The following CLVS1 variants were observed in gnomAD, a reference collection of about 807,000 sequenced individuals.
CLVS1 encodes the protein clavesin-1.
In CLVS1, 10 loss-of-function variants were observed where a neutral mutation model predicts 33.1. That is an observed-to-expected ratio of 0.30 (90% CI 0.19 to 0.51). The LOEUF (loss-of-function observed/expected upper bound fraction) is 0.51, where lower values mean the gene tolerates loss of function less well. Ranked by LOEUF, CLVS1 falls within the 20% of genes least tolerant of loss-of-function variation. The pLI, the probability that CLVS1 is intolerant of heterozygous loss-of-function variation, is 0.97. For synonymous variants in CLVS1, 163 were observed against 166.1 expected (o/e 0.98, Z 0.14); for missense variants, 343 against 433.4 (o/e 0.79, Z 1.85).
intron 2 of CLVS1, among the ~76,000 whole-genome samples, chr8:61,155,335 C>T (rs897652889): frequency 6.6e-6 from 1 of 152,098 alleles, no homozygotes; most frequent in African/African-American, 2.4e-5. Context: ...AAGAAAATGC[C>T]CCGGCTTGCC....
At chr8:61,260,874 C>T (rs1163418614) in intron 2 of CLVS1, among the ~76,000 whole-genome samples, 1 of 152,166 alleles carries the variant, frequency 6.6e-6, no homozygotes, top group Non-Finnish European at 1.5e-5. Flanking sequence ...TAATGGTGTT[C>T]AGAATGCAGA....
intron 1 of CLVS1, among the ~76,000 whole-genome samples, chr8:61,095,335 G>A (rs1805332693): frequency 6.6e-6 from 1 of 152,198 alleles, no homozygotes; most frequent in Non-Finnish European, 1.5e-5. Context: ...AATCCCCCAT[G>A]AGTGGGGCTT....
chr8:61,227,473 A>T (rs967690381), intron 2 of CLVS1, among the ~76,000 whole-genome samples: 3 of 152,186 alleles, frequency 2.0e-5, no homozygotes, highest in Non-Finnish European at 4.4e-5. Context: ...CATTATAAGC[A>T]TTTTGTCACA....
intron 2 of CLVS1, among the ~76,000 whole-genome samples, chr8:61,138,135 A>C (rs1165067296): frequency 6.6e-6 from 1 of 152,224 alleles, no homozygotes; most frequent in Non-Finnish European, 1.5e-5. Context: ...GCATAAGTCA[A>C]CAAGATGGGT....
intron 3 of CLVS1, among the ~76,000 whole-genome samples, chr8:61,430,728 T>C (rs1201559676): frequency 6.6e-6 from 1 of 152,180 alleles, no homozygotes; most frequent in Admixed American, 6.5e-5. Flanking sequence ...GCCAATGTGT[T>C]ATGCTGTGCC....
intron 2 of CLVS1, among the ~76,000 whole-genome samples, chr8:61,215,034 A>G (rs1411800741): frequency 6.6e-6 from 1 of 152,182 alleles, no homozygotes; most frequent in Non-Finnish European, 1.5e-5. Context: ...TAAAGTAAGT[A>G]TTTAGCTTTT....
Position 61,328,621 on chromosome 8 carries a change from A to T in CLVS1, c.455+28339A>T, listed in dbSNP as rs529407327. The stretch of plus-strand genomic sequence containing the variant: ...TCATACAAATCGATTACTTCCATAA[A>T]GCCTGCTCCAGACAGAAAATTCCCA... On this transcript the variant is annotated intron_variant, in intron 2 of 5. Transcript: ENST00000325897. 3.3e-5 allele frequency among the ~76,000 whole-genome samples: 5 copies of T among 152,220 alleles called. No homozygotes were observed. The South Asian group carries it at 1.0e-3, about 32-fold the overall frequency.
rs892813549 is a variant in CLVS1 at position 61,499,701 on chromosome 8, G to A, written c.*159G>A. Reference sequence around the variant, plus strand: ...AGTGACTGTCACCAGCCATCGGTCTGAGCAGCCAAAGTTGGACAAAGACTT... The same window carrying A: ...AGTGACTGTCACCAGCCATCGGTCTAAGCAGCCAAAGTTGGACAAAGACTT... On this transcript the variant is annotated 3_prime_UTR_variant, in exon 6 of 6. Transcript: ENST00000325897. The A allele has an allele frequency of 1.5e-5, 7 of 473,030 alleles. No homozygotes were observed. The highest frequency in any genetic ancestry group is 9.6e-5 in the African/African-American group (5 of 52,144). The allele number at this position is 473,030 out of a possible 1,614,324, so 29.3% of individuals were successfully genotyped here.
chr8:61,096,562 G>A (rs1294681897), intron 1 of CLVS1, among the ~76,000 whole-genome samples: 1 of 152,158 alleles, frequency 6.6e-6, no homozygotes, highest in Non-Finnish European at 1.5e-5. Flanking sequence ...AATATTTAAA[G>A]CGAAGCCTGG....
intron 2 of CLVS1, among the ~76,000 whole-genome samples, chr8:61,343,656 G>A (rs1234398808): frequency 2.6e-5 from 4 of 152,296 alleles, no homozygotes; most frequent in South Asian, 2.1e-4. Flanking sequence ...TCTGGGCAAC[G>A]AGAGCTCAGG....
intron 2 of CLVS1, among the ~76,000 whole-genome samples, chr8:61,351,836 A>G (rs1184162713): frequency 6.6e-6 from 1 of 152,116 alleles, no homozygotes. Context: ...ATCTGGTGAG[A>G]CTATTCTTCA....
the CLVS1 span, among the ~76,000 whole-genome samples, chr8:61,016,064 G>A: frequency 6.6e-6 from 1 of 152,186 alleles, no homozygotes; most frequent in East Asian, 1.9e-4. Context: ...TGACACCTTT[G>A]CTTTCTGATG....
chr8:61,097,063 T>C (rs1805364177), intron 1 of CLVS1, among the ~76,000 whole-genome samples: 1 of 152,062 alleles, frequency 6.6e-6, no homozygotes, highest in South Asian at 2.1e-4. Flanking sequence ...AAACCCACTA[T>C]TAAAAACACA....
intron 1 of CLVS1, among the ~76,000 whole-genome samples, chr8:61,072,012 C>T (rs143152609): frequency 2.6e-5 from 4 of 152,346 alleles, no homozygotes; most frequent in Non-Finnish European, 5.9e-5. Context: ...TCAAGGGAGG[C>T]ATCTGAGTCA....
chr8:61,109,188 T>C (rs1028254997), intron 1 of CLVS1, among the ~76,000 whole-genome samples: 7 of 152,202 alleles, frequency 4.6e-5, no homozygotes, highest in African/African-American at 1.7e-4. Context: ...ATTCTGCTTC[T>C]TCCAGTTACT....
intron 1 of CLVS1, among the ~76,000 whole-genome samples, chr8:61,074,032 T>C (rs1040076037): frequency 5.6e-5 from 7 of 125,352 alleles, no homozygotes; most frequent in African/African-American, 2.1e-4. Flanking sequence ...AAAAAAAAAA[T>C]TATAACTAAA....
intron 2 of CLVS1, among the ~76,000 whole-genome samples, chr8:61,187,636 TTGCCAGATA>T (rs35374864): frequency 0.51 from 77,679 of 150,982 alleles, 20,665 homozygotes; most frequent in Middle Eastern, 0.68. Context: ...CCTTTAGACT[TTGCCAGATA>T]TGCCAGATAT....
Position 61,357,393 on chromosome 8 carries a change from A to G in CLVS1, c.456-19212A>G, listed in dbSNP as rs185838936. 2.0e-5 allele frequency among the ~76,000 whole-genome samples: 3 copies of G among 152,056 alleles called. No homozygotes were observed. The East Asian group carries it at 5.8e-4, about 29-fold the overall frequency. On this transcript the variant is annotated intron_variant, in intron 2 of 5. Coordinates refer to ENST00000325897, the MANE Select transcript of CLVS1 (RefSeq NM_173519.3). ...TAAAACAACCATGCAAAATGATGAC[A>G]ATTGTTGAATCAAATGGTAAGTATA...
intron 2 of CLVS1, among the ~76,000 whole-genome samples, chr8:61,256,637 C>A (rs1809089599): frequency 1.1e-5 from 1 of 91,872 alleles, no homozygotes; most frequent in Non-Finnish European, 1.8e-5. Flanking sequence ...TACTCTTTAT[C>A]TCAAAAACAA....
Sources: gnomAD v4.1 joint callset for allele counts (sites outside exome capture counted in the v4.1 genomes callset) on GRCh38, gnomAD v4.1.1 for gene constraint, MANE v1.5 for transcripts, NCBI Gene and HGNC (gene_info 2026-07-23, HGNC 2026-07-21) for gene names.